The following PKHD1 variants were observed in gnomAD, a reference collection of about 807,000 sequenced individuals.
PKHD1 encodes the protein PKHD1 ciliary IPT domain containing fibrocystin/polyductin.
Under a neutral mutation model 412.0 loss-of-function variants are expected in PKHD1, and 291 were observed. That is an observed-to-expected ratio of 0.71 (90% CI 0.64 to 0.78). The LOEUF is 0.78. Among genes scored for constraint, PKHD1 ranks in the 30% least tolerant of loss-of-function variants. The pLI is 0.00. For synonymous variants in PKHD1, 1,777 were observed against 1,821.5 expected (o/e 0.98, Z 0.62); for missense variants, 4,825 against 4,950.7 (o/e 0.97, Z 0.76).
chr6:52,056,657 C>A, intron 18 of PKHD1, 41 bp downstream of exon 18: 1 of 1,330,834 alleles, frequency 7.5e-7, no homozygotes, highest in Non-Finnish European at 1.1e-6. Flanking sequence ...GAAAGAAGAC[C>A]ATGATGAAAA....
At chr6:52,080,630 A>G (rs1582145262) in intron 4 of PKHD1, among the ~76,000 whole-genome samples, 1 of 152,228 alleles carries the variant, frequency 6.6e-6, no homozygotes, top group South Asian at 2.1e-4. Context: ...AATCTTTAGT[A>G]TGACCTTAAA....
intron 36 of PKHD1, among the ~76,000 whole-genome samples, chr6:51,948,659 T>C (rs577789644): frequency 6.5e-4 from 99 of 152,328 alleles, no homozygotes; most frequent in African/African-American, 2.2e-3. Context: ...CAATACTTGT[T>C]GAATAACGAG....
chr6:52,030,930 AT>A (rs1802947222), intron 29 of PKHD1, among the ~76,000 whole-genome samples: 3 of 152,190 alleles, frequency 2.0e-5, no homozygotes. Context: ...AAAAGTTTGA[AT>A]TTAGCACTGG....
intron 60 of PKHD1, among the ~76,000 whole-genome samples, chr6:51,740,330 C>A (rs1451353103): frequency 6.6e-6 from 1 of 152,108 alleles, no homozygotes; most frequent in African/African-American, 2.4e-5. Context: ...TATGCTGGGA[C>A]CTGTGGATAT....
intron 55 of PKHD1, among the ~76,000 whole-genome samples, chr6:51,758,888 A>G (rs1176224084): frequency 6.6e-6 from 1 of 152,202 alleles, no homozygotes; most frequent in Non-Finnish European, 1.5e-5. Context: ...AAAATGTGTA[A>G]GACATTCACG....
intron 60 of PKHD1, among the ~76,000 whole-genome samples, chr6:51,668,079 G>A (rs541278970): frequency 6.6e-6 from 1 of 152,244 alleles, no homozygotes; most frequent in South Asian, 2.1e-4. Context: ...CCAATTCTGT[G>A]AAGAAAGTCA....
chr6:51,807,297 G>A (rs188268197), intron 52 of PKHD1, among the ~76,000 whole-genome samples: 340 of 151,626 alleles, frequency 2.2e-3, no homozygotes, highest in Non-Finnish European at 3.6e-3. Context: ...TATTAGCCAG[G>A]CATGGTGGCT....
chr6:51,978,074 T>G (rs888799588), intron 35 of PKHD1, among the ~76,000 whole-genome samples: 1 of 151,982 alleles, frequency 6.6e-6, no homozygotes, highest in Non-Finnish European at 1.5e-5. Flanking sequence ...GAAAATCCCA[T>G]AAGAGAGAGC....
chr6:51,789,837 T>C (rs916110223), intron 53 of PKHD1, among the ~76,000 whole-genome samples: 2 of 152,084 alleles, frequency 1.3e-5, no homozygotes, highest in African/African-American at 2.4e-5. Flanking sequence ...GGCTATAGAA[T>C]TAAAAGGAGT....
At chr6:51,692,712 T>G (rs1318897600) in intron 60 of PKHD1, among the ~76,000 whole-genome samples, 1 of 152,162 alleles carries the variant, frequency 6.6e-6, no homozygotes, top group Non-Finnish European at 1.5e-5. Context: ...ACCTATCTTT[T>G]TTTTCCACTT....
chr6:51,698,909 C>A (rs1779100706), intron 60 of PKHD1, among the ~76,000 whole-genome samples: 1 of 152,070 alleles, frequency 6.6e-6, no homozygotes, highest in South Asian at 2.1e-4. Context: ...TACTTCATTT[C>A]TTTTTAAAAA....
chr6:51,882,654 C>T (rs1289983809), intron 46 of PKHD1, among the ~76,000 whole-genome samples: 1 of 152,128 alleles, frequency 6.6e-6, no homozygotes, highest in Non-Finnish European at 1.5e-5. Flanking sequence ...TGCTTCCCAC[C>T]CGGGAGTACT....
At chr6:52,050,656 T>G (rs915519194) in intron 21 of PKHD1, among the ~76,000 whole-genome samples, 2 of 152,180 alleles carry the variant, frequency 1.3e-5, no homozygotes, top group African/African-American at 4.8e-5. Flanking sequence ...CCACAGCCCC[T>G]GGCAACTCTA....
intron 21 of PKHD1, 131 bp from the exon 22 acceptor site, chr6:52,050,426 C>T (rs1349334216): frequency 3.2e-6 from 3 of 930,112 alleles, no homozygotes; most frequent in Non-Finnish European, 5.2e-6. Context: ...TACTTATCTG[C>T]TGCCATAAAG....
intron 46 of PKHD1, among the ~76,000 whole-genome samples, chr6:51,874,120 GA>G (rs1234660055): frequency 6.6e-6 from 1 of 152,170 alleles, no homozygotes; most frequent in Non-Finnish European, 1.5e-5. Flanking sequence ...CACCCCTAGA[GA>G]AATAGGAGGA....
At chr6:51,700,914 G>A (rs1779338737) in intron 60 of PKHD1, among the ~76,000 whole-genome samples, 1 of 152,082 alleles carries the variant, frequency 6.6e-6, no homozygotes, top group Non-Finnish European at 1.5e-5. Flanking sequence ...ATTGCATACA[G>A]TTTTATTACA....
chr6:51,870,097 G>A (rs1397056517), intron 47 of PKHD1, among the ~76,000 whole-genome samples: 3 of 152,116 alleles, frequency 2.0e-5, no homozygotes, highest in Non-Finnish European at 2.9e-5. Flanking sequence ...TTCAGGAAAG[G>A]CTGTATGCAT....
chr6:51,648,228 G>C (rs556189164), intron 62 of PKHD1, 110 bp from the exon 63 acceptor site: 46 of 686,956 alleles, frequency 6.7e-5, no homozygotes, highest in African/African-American at 6.4e-4. Context: ...CATATATTCA[G>C]TAGAAATAAA....
chr6:52,022,857 C>G lies in PKHD1; in HGVS notation c.5324G>C (p.Arg1775Pro). The G allele has an allele frequency of 6.2e-7, 1 of 1,614,086 alleles. No individual in the cohort carries two copies. Among genetic ancestry groups the G allele is most frequent in the Non-Finnish European group, 8.5e-7 (1 of 1,180,004 alleles). Residue 1775 changes from arginine to proline, a missense_variant, in exon 33 of 67, where the codon CGA (arginine) becomes CCA (proline). By Grantham distance (103) the Arg-to-Pro change is moderately radical (BLOSUM62 -2). Coordinates refer to ENST00000371117, the MANE Select transcript of PKHD1 (RefSeq NM_138694.4). ...VSAAVCGAPC[R>P]VLANATVSAF... ...AGACACTGTAGCATTAGCCAGGACT[C>G]GGCAGGGAGCACCACACACAGCAGC...
Sources: allele counts gnomAD v4.1 joint callset (sites outside exome capture counted in the v4.1 genomes callset), GRCh38; gene constraint gnomAD v4.1.1; transcripts MANE v1.5; gene names NCBI Gene and HGNC (gene_info 2026-07-23, HGNC 2026-07-21).